Variants in FEZ2 observed in about 807,000 individuals in gnomAD.
FEZ2 encodes the protein fasciculation and elongation protein zeta 2, also known as fasciculation and elongation protein zeta-2.
Under a neutral mutation model 40.4 loss-of-function variants are expected in FEZ2, and 51 were observed. The ratio of observed to expected loss-of-function variants is 1.26; its 90% CI spans 1.01 to 1.59. The LOEUF (loss-of-function observed/expected upper bound fraction) is 1.59, where lower values mean the gene tolerates loss of function less well. FEZ2 is among the 40% of genes most tolerant of loss of function. FEZ2 has a pLI of 0.00. For missense variants in FEZ2, 640 were observed against 438.3 expected, an observed-to-expected ratio of 1.46 and a Z score of -4.11; for synonymous variants, 242 against 172.0, an observed-to-expected ratio of 1.41 and a Z score of -3.18.
intron 1 of FEZ2, 121 bp from the exon 2 acceptor site, chr2:36,591,132 T>C (rs537231828): frequency 1.5e-5 from 10 of 670,074 alleles, no homozygotes; most frequent in Middle Eastern, 2.7e-4. Flanking sequence ...AGACAGCACA[T>C]TGTTTCTCAG....
At chr2:36,587,863 T>C (rs889201420) in intron 2 of FEZ2, among the ~76,000 whole-genome samples, 3 of 152,180 alleles carry the variant, frequency 2.0e-5, no homozygotes, top group Admixed American at 6.5e-5. Context: ...ATAGTCCTTA[T>C]TGCCCATTTG....
At chr2:36,597,854 C>A in intron 1 of FEZ2, 23 bp downstream of exon 1, 1 of 1,332,124 alleles carries the variant, frequency 7.5e-7, no homozygotes, top group Non-Finnish European at 9.6e-7. Flanking sequence ...CCCGCCCACT[C>A]CCGGCCGGGG....
At chr2:36,590,441 G>T (rs115545989) in intron 2 of FEZ2, 16,269 of 154,456 alleles carry the variant, frequency 0.11, 1,143 homozygotes, top group Non-Finnish European at 0.15. Flanking sequence ...ACTCTGGGAG[G>T]TGAATTACCT....
intron 2 of FEZ2, among the ~76,000 whole-genome samples, chr2:36,585,150 G>A (rs1668866341): frequency 1.3e-5 from 2 of 152,138 alleles, no homozygotes; most frequent in Admixed American, 6.5e-5. Flanking sequence ...AATGTCAAGT[G>A]AATTCTCAAT....
chr2:36,576,688 G>C (rs1418448450), intron 5 of FEZ2, among the ~76,000 whole-genome samples: 1 of 152,190 alleles, frequency 6.6e-6, no homozygotes, highest in Non-Finnish European at 1.5e-5. Context: ...AACTTCAAAA[G>C]TTCAAATATT....
At chr2:36,563,539 TA>T (rs900462512) in intron 5 of FEZ2, among the ~76,000 whole-genome samples, 2 of 142,802 alleles carry the variant, frequency 1.4e-5, no homozygotes, top group African/African-American at 5.2e-5. Flanking sequence ...AAAAAAAAAC[TA>T]AAATCTACGT....
chr2:36,592,483 A>G (rs1240177212), intron 1 of FEZ2, among the ~76,000 whole-genome samples: 2 of 152,186 alleles, frequency 1.3e-5, no homozygotes, highest in Non-Finnish European at 2.9e-5. Flanking sequence ...GGCTAAAAGC[A>G]TAACATCCCA....
intron 5 of FEZ2, among the ~76,000 whole-genome samples, chr2:36,566,675 T>C (rs1327418798): frequency 6.6e-6 from 1 of 152,162 alleles, no homozygotes; most frequent in East Asian, 1.9e-4. Flanking sequence ...GGCAAAAGTC[T>C]TAGAATCAAG....
At chr2:36,561,896 T>C (rs1207433121) in intron 5 of FEZ2, among the ~76,000 whole-genome samples, 2 of 152,188 alleles carry the variant, frequency 1.3e-5, no homozygotes, top group Non-Finnish European at 2.9e-5. Context: ...GAAATACATA[T>C]AGTTTCATCC....
At chr2:36,569,707 C>A (rs1042677795) in intron 5 of FEZ2, among the ~76,000 whole-genome samples, 4 of 152,104 alleles carry the variant, frequency 2.6e-5, no homozygotes, top group Non-Finnish European at 5.9e-5. Flanking sequence ...AAAAGCAAGA[C>A]AACAAAGGGC....
At position 36,581,211 on chromosome 2, in the gene FEZ2, G is replaced by A. The variant is rs1038161143; in HGVS notation, c.634+79C>T. ...CAAACAGAAGGAGGATGAAATCAAA[G>A]CTTTCTGGAGATGATCATACTATAC... On this transcript the variant is annotated intron_variant, in intron 4 of 7. Transcript: ENST00000405912. 26 of 1,295,662 alleles carry A rather than the reference G, an allele frequency of 2.0e-5. No homozygotes were observed. The African/African-American group carries it at 2.2e-4, about 11-fold the overall frequency. 80.3% of individuals were successfully genotyped at this position (1,295,662 alleles called of 1,614,324 possible).
At chr2:36,590,841 C>A (rs1205423836) in intron 2 of FEZ2, 62 bp downstream of exon 2, 1 of 949,846 alleles carries the variant, frequency 1.1e-6, no homozygotes, top group East Asian at 2.4e-5. Flanking sequence ...AGAAATGCTA[C>A]TGTTTTAGTT....
chr2:36,573,262 T>C (rs999824247), intron 5 of FEZ2, among the ~76,000 whole-genome samples: 1 of 152,244 alleles, frequency 6.6e-6, no homozygotes, highest in African/African-American at 2.4e-5. Context: ...CTATTCCATT[T>C]TCATACATAT....
intron 5 of FEZ2, chr2:36,560,787 G>A: frequency 1.9e-6 from 3 of 1,595,006 alleles, no homozygotes; most frequent in Non-Finnish European, 2.6e-6. Flanking sequence ...CCGAGCACCT[G>A]TTTCTCTCCA....
chr2:36,593,908 T>A (rs1428767418), intron 1 of FEZ2, among the ~76,000 whole-genome samples: 1 of 151,968 alleles, frequency 6.6e-6, no homozygotes, highest in Non-Finnish European at 1.5e-5. Flanking sequence ...TCTGCTTCCC[T>A]TATAAAACTG....
chr2:36,566,956 A>T (rs73923033), intron 5 of FEZ2, among the ~76,000 whole-genome samples: 218 of 150,460 alleles, frequency 1.4e-3, no homozygotes, highest in African/African-American at 5.0e-3. Context: ...ACACACACAC[A>T]CTCTCTCTCT....
At chr2:36,560,182 A>T (rs1472436894) in intron 5 of FEZ2, among the ~76,000 whole-genome samples, 1 of 152,254 alleles carries the variant, frequency 6.6e-6, no homozygotes, top group African/African-American at 2.4e-5. Context: ...AAATGTGAAT[A>T]AAAAGCAAAT....
At chr2:36,560,708 A>T in intron 5 of FEZ2, 1 of 851,626 alleles carries the variant, frequency 1.2e-6, no homozygotes. Flanking sequence ...AAATTAGTAA[A>T]CTACCAGCTT....
intron 5 of FEZ2, among the ~76,000 whole-genome samples, chr2:36,562,593 ACTCTT>A (rs971944227): frequency 2.9e-4 from 44 of 152,178 alleles, no homozygotes; most frequent in African/African-American, 1.0e-3. Context: ...TTTGCTGACT[ACTCTT>A]CACTTCACTG....
Sources: gnomAD v4.1 joint callset for allele counts (sites outside exome capture counted in the v4.1 genomes callset) on GRCh38, gnomAD v4.1.1 for gene constraint, MANE v1.5 for transcripts, NCBI Gene and HGNC (gene_info 2026-07-23, HGNC 2026-07-21) for gene names.